CAPN7: variants seen among roughly 807,000 people sequenced by gnomAD.
CAPN7 encodes calpain-7.
In CAPN7, 72 loss-of-function variants were observed where a neutral mutation model predicts 115.2. The observed-to-expected ratio is 0.63, with a 90% CI of 0.52 to 0.76. The LOEUF (loss-of-function observed/expected upper bound fraction) is 0.76. Ranked by LOEUF, CAPN7 falls within the 30% of genes least tolerant of loss-of-function variation. CAPN7 has a pLI of 0.00. For missense variants in CAPN7, 905 were observed against 971.5 expected (o/e 0.93, Z 0.91); for synonymous variants, 344 against 322.3 (o/e 1.07, Z -0.72).
chr3:15,235,028 T>G lies in CAPN7; in HGVS notation c.1290T>G (p.Phe430Leu). Residue 430 changes from phenylalanine to leucine, a missense_variant, in exon 12 of 21, where the codon TTT becomes TTG. Physicochemically the swap from Phe to Leu is conservative, Grantham distance 22 (BLOSUM62 0). Coordinates refer to ENST00000253693, the MANE Select transcript of CAPN7 (RefSeq NM_014296.3). The part of the protein sequence containing the change: ...DNSFRMLYQR[F>L]HKGDVLITAS... ...TTGTCTTTGGGGTTCATTCCAGATT[T>G]CACAAAGGAGATGTCCTCATCACTG... The G allele has an allele frequency of 6.2e-7, 1 of 1,603,928 alleles. No individual in the cohort carries two copies. Among genetic ancestry groups the G allele is most frequent in the Non-Finnish European group, 8.5e-7 (1 of 1,177,096 alleles).
intron 2 of CAPN7, among the ~76,000 whole-genome samples, chr3:15,212,648 A>T (rs2045022929): frequency 6.6e-6 from 1 of 152,132 alleles, no homozygotes. Flanking sequence ...GACCTTTGCT[A>T]AACTCTTTAA....
intron 1 of CAPN7, among the ~76,000 whole-genome samples, chr3:15,208,352 A>G (rs2044747370): frequency 6.6e-6 from 1 of 151,794 alleles, no homozygotes; most frequent in Non-Finnish European, 1.5e-5. Flanking sequence ...TGGCCCACTA[A>G]TAATAGCTCA....
intron 2 of CAPN7, among the ~76,000 whole-genome samples, chr3:15,213,733 T>A (rs1402944108): frequency 6.6e-6 from 1 of 152,220 alleles, no homozygotes; most frequent in Non-Finnish European, 1.5e-5. Flanking sequence ...TACTTTATAT[T>A]AAATACAGCT....
Position 15,240,769 on chromosome 3 carries a change from C to A in CAPN7, c.1568C>A (p.Ser523Tyr), listed in dbSNP as rs1695295449. The A allele has an allele frequency of 1.9e-6, 3 of 1,608,150 alleles. No homozygotes were observed. The highest frequency in any genetic ancestry group is 2.5e-6 in the Non-Finnish European group (3 of 1,177,196). Residue 523 changes from serine to tyrosine, a missense_variant, in exon 14 of 21, where the codon TCC becomes TAC. Ser to Tyr is a moderately radical substitution (Grantham distance 144). This residue lies in a region of CAPN7 where 620 missense variants were observed against 703.4 expected (regional missense o/e 0.88). Coordinates refer to ENST00000253693, the MANE Select transcript of CAPN7 (RefSeq NM_014296.3). ...QKIDNGIFWISWDDLCQYYDV... is the reference protein window; with the variant it reads ...QKIDNGIFWIYWDDLCQYYDV... ...TAATTTTCAGGAATATTTTGGATTTCCTGGGATGATCTCTGCCAGTATTAT... is the reference window on the plus strand; with the variant it reads ...TAATTTTCAGGAATATTTTGGATTTACTGGGATGATCTCTGCCAGTATTAT...
At chr3:15,216,990 C>T (rs763575604) in intron 2 of CAPN7, among the ~76,000 whole-genome samples, 3 of 151,250 alleles carry the variant, frequency 2.0e-5, no homozygotes, top group Non-Finnish European at 4.4e-5. Context: ...GTAATCCCAT[C>T]ACTTTGGGAG....
intron 5 of CAPN7, among the ~76,000 whole-genome samples, chr3:15,223,232 A>G (rs1400478385): frequency 6.6e-6 from 1 of 152,148 alleles, no homozygotes; most frequent in African/African-American, 2.4e-5. Flanking sequence ...CCTCTTGAAT[A>G]GTCTTGTCTT....
At chr3:15,224,420 G>A (rs1289739299) in intron 6 of CAPN7, among the ~76,000 whole-genome samples, 2 of 151,962 alleles carry the variant, frequency 1.3e-5, no homozygotes, top group Non-Finnish European at 2.9e-5. Flanking sequence ...CCGCAGGCAT[G>A]CACCATCACG....
Position 15,220,772 on chromosome 3 carries a change from C to CT in CAPN7, c.438-8dup, listed in dbSNP as rs749885576. The CT allele has an allele frequency of 8.7e-6, 14 of 1,613,524 alleles. No homozygotes were observed. Among genetic ancestry groups the CT allele is most frequent in the Non-Finnish European group, 1.2e-5 (14 of 1,179,598 alleles). On this transcript the variant is annotated splice_polypyrimidine_tract_variant and intron_variant, in intron 4 of 20. Transcript: ENST00000253693. ...AACTAGAACAGTTGTTTGTTCCTCT[C>CT]TGTTATAGAGCAGAAGCGCTGAGTG...
chr3:15,230,626 T>C (rs1241293129), intron 9 of CAPN7, 91 bp downstream of exon 9: 2 of 759,246 alleles, frequency 2.6e-6, no homozygotes, highest in African/African-American at 3.4e-5. Context: ...ATGTCATCTG[T>C]TTGAACATTT....
intron 4 of CAPN7, 126 bp downstream of exon 4, chr3:15,218,666 T>G (rs1445179868): frequency 1.4e-6 from 1 of 698,762 alleles, no homozygotes; most frequent in African/African-American, 1.8e-5. Flanking sequence ...CTGAAACAAA[T>G]CTACTTTCTA....
At chr3:15,250,832 CAT>C (rs1282479357) in intron 19 of CAPN7, 97 bp from the exon 20 acceptor site, 12 of 813,708 alleles carry the variant, frequency 1.5e-5, no homozygotes, top group South Asian at 8.4e-5. Context: ...ACTTCAGAAA[CAT>C]AAACTTAGTA....
intron 1 of CAPN7, among the ~76,000 whole-genome samples, chr3:15,207,924 CAT>C (rs2044723391): frequency 1.3e-5 from 2 of 152,072 alleles, no homozygotes; most frequent in Admixed American, 6.5e-5. Context: ...AAACCAGTAA[CAT>C]AGTTGTTGAT....
At chr3:15,231,400 TAAAGA>T (rs1291275672) in intron 9 of CAPN7, among the ~76,000 whole-genome samples, 3 of 152,204 alleles carry the variant, frequency 2.0e-5, no homozygotes, top group African/African-American at 4.8e-5. Flanking sequence ...ACTTAAAAAG[TAAAGA>T]AAATTATTGA....
intron 2 of CAPN7, among the ~76,000 whole-genome samples, chr3:15,212,430 C>G (rs2045009685): frequency 6.6e-6 from 1 of 152,132 alleles, no homozygotes; most frequent in African/African-American, 2.4e-5. Flanking sequence ...GTCCAGTTTC[C>G]TAATTTCCCA....
At chr3:15,219,839 C>T (rs1418333513) in intron 4 of CAPN7, among the ~76,000 whole-genome samples, 1 of 152,216 alleles carries the variant, frequency 6.6e-6, no homozygotes, top group Non-Finnish European at 1.5e-5. Flanking sequence ...CCAGCCCCTG[C>T]TTTCCTCTCT....
At chr3:15,226,563 G>A (rs535133103) in intron 6 of CAPN7, among the ~76,000 whole-genome samples, 171 of 152,204 alleles carry the variant, frequency 1.1e-3, no homozygotes, top group Non-Finnish European at 2.0e-3. Flanking sequence ...TTTGAGAGCT[G>A]TCTTTAAACT....
chr3:15,252,737 A>T lies in CAPN7; in HGVS notation c.*1477A>T, dbSNP rs1346549667. The T allele has an allele frequency of 6.6e-6, 1 of 151,882 alleles. No individual in the cohort carries two copies. The highest frequency in any genetic ancestry group is 1.9e-4 in the East Asian group (1 of 5,196). The allele number at this position is 151,882 out of a possible 1,614,324, so 9.4% of individuals were successfully genotyped here. A position where few individuals can be genotyped will look rare whatever the true frequency, so the allele number is the denominator to read the frequency against. ...CATGCCACCAGTGTATGAATAAGGG[A>T]AAGATTAATTTTGGCTGGACCAATA... On this transcript the variant is annotated 3_prime_UTR_variant, in exon 21 of 21. Coordinates refer to ENST00000253693, the MANE Select transcript of CAPN7 (RefSeq NM_014296.3).
intron 5 of CAPN7, among the ~76,000 whole-genome samples, chr3:15,222,400 C>A (rs1381410538): frequency 6.6e-6 from 1 of 152,190 alleles, no homozygotes; most frequent in African/African-American, 2.4e-5. Flanking sequence ...TTGAGCACTG[C>A]AGAAAGTTCA....
At chr3:15,249,962 A>G (rs1048380833) in intron 19 of CAPN7, among the ~76,000 whole-genome samples, 1 of 151,604 alleles carries the variant, frequency 6.6e-6, no homozygotes, top group African/African-American at 2.4e-5. Flanking sequence ...ACGGGATTTC[A>G]ACATGTTGGC....
Sources: allele counts gnomAD v4.1 joint callset (sites outside exome capture counted in the v4.1 genomes callset), GRCh38; gene constraint gnomAD v4.1.1; regional missense constraint gnomAD v4.1.1; transcripts MANE v1.5; gene names NCBI Gene and HGNC (gene_info 2026-07-23, HGNC 2026-07-21).